CFAP299: variants seen among roughly 807,000 people sequenced by gnomAD.
CFAP299 encodes cilia and flagella associated protein 299.
CFAP299 carries 21 observed loss-of-function variants against 27.0 expected under a neutral mutation model. The ratio of observed to expected loss-of-function variants is 0.78; its 90% confidence interval spans 0.55 to 1.12. The LOEUF is 1.12. Ranked by LOEUF, CFAP299 falls within the 50% of genes most tolerant of loss-of-function variation. CFAP299 has a pLI of 0.00. For synonymous variants in CFAP299, 104 were observed against 98.1 expected (o/e 1.06, Z -0.36); for missense variants, 310 against 276.6 (o/e 1.12, Z -0.86).
At chr4:80,786,507 T>C (rs1727251275) in intron 3 of CFAP299, among the ~76,000 whole-genome samples, 1 of 152,146 alleles carries the variant, frequency 6.6e-6, no homozygotes, top group East Asian at 1.9e-4. Flanking sequence ...AGTCTAATTA[T>C]GGACTATAGT....
At position 80,344,412 on chromosome 4, in the gene CFAP299, T is replaced by C. The variant is rs189713840; in HGVS notation, c.111+8533T>C. Reference sequence around the variant, plus strand: ...AGAAAATCTAGAAGAAATGTATAAATTTCTGGACAAATACACCCTCCCAAG... The same window carrying C: ...AGAAAATCTAGAAGAAATGTATAAACTTCTGGACAAATACACCCTCCCAAG... On this transcript the variant is annotated intron_variant, in intron 1 of 5. Coordinates refer to ENST00000358105, the MANE Select transcript of CFAP299 (RefSeq NM_152770.3). Among the ~76,000 whole-genome samples, 987 of 152,154 alleles carry C rather than the reference T, an allele frequency of 6.5e-3. 12 individuals are homozygous for C. Among genetic ancestry groups the C allele is most frequent in the Non-Finnish European group, 6.1e-3 (414 of 68,018 alleles).
intron 5 of CFAP299, among the ~76,000 whole-genome samples, chr4:80,960,018 A>G (rs1474498356): frequency 6.6e-6 from 1 of 151,892 alleles, no homozygotes; most frequent in Non-Finnish European, 1.5e-5. Flanking sequence ...TTCCTTAAAT[A>G]ATCAGGGATG....
chr4:80,557,399 AC>A (rs886502194), intron 2 of CFAP299, among the ~76,000 whole-genome samples: 58 of 152,200 alleles, frequency 3.8e-4, no homozygotes, highest in African/African-American at 1.4e-3. Context: ...GGGGGTCAGT[AC>A]CTTTTTCAGA....
intron 3 of CFAP299, among the ~76,000 whole-genome samples, chr4:80,656,435 C>T (rs1326802183): frequency 6.6e-6 from 1 of 151,944 alleles, no homozygotes; most frequent in African/African-American, 2.4e-5. Flanking sequence ...TCCGTGGGTT[C>T]TCATTGTTCA....
chr4:80,448,083 T>C (rs534221324), intron 2 of CFAP299, among the ~76,000 whole-genome samples: 221 of 152,356 alleles, frequency 1.5e-3, no homozygotes, highest in Admixed American at 3.1e-3. Context: ...ACACTGTCAA[T>C]GCATTCTCTC....
At chr4:80,823,153 C>T (rs1308905766) in intron 3 of CFAP299, among the ~76,000 whole-genome samples, 1 of 152,102 alleles carries the variant, frequency 6.6e-6, no homozygotes, top group Admixed American at 6.6e-5. Flanking sequence ...TAAACACATG[C>T]CCTTGGTCTC....
At chr4:80,403,078 T>A (rs1726243824) in intron 2 of CFAP299, among the ~76,000 whole-genome samples, 1 of 152,222 alleles carries the variant, frequency 6.6e-6, no homozygotes, top group South Asian at 2.1e-4. Flanking sequence ...TGTATTTGGG[T>A]AGCTTTTCTC....
At chr4:80,410,119 G>A (rs1165592339) in intron 2 of CFAP299, among the ~76,000 whole-genome samples, 1 of 152,098 alleles carries the variant, frequency 6.6e-6, no homozygotes, top group Non-Finnish European at 1.5e-5. Flanking sequence ...GTTATTATAG[G>A]GAAGATGCAG....
intron 2 of CFAP299, among the ~76,000 whole-genome samples, chr4:80,508,752 C>G (rs1349550261): frequency 6.6e-6 from 1 of 152,046 alleles, no homozygotes; most frequent in Non-Finnish European, 1.5e-5. Context: ...GAGACCAGGT[C>G]CCACCATAAT....
At chr4:80,775,138 G>C (rs1000138027) in intron 3 of CFAP299, among the ~76,000 whole-genome samples, 1 of 150,716 alleles carries the variant, frequency 6.6e-6, no homozygotes, top group Non-Finnish European at 1.5e-5. Context: ...ATAGGGATAT[G>C]CTTATTGCAA....
chr4:80,807,088 A>G (rs1728901259), intron 3 of CFAP299, among the ~76,000 whole-genome samples: 1 of 152,146 alleles, frequency 6.6e-6, no homozygotes, highest in African/African-American at 2.4e-5. Flanking sequence ...TTTTCTTGAA[A>G]TCAAATTATC....
chr4:80,408,934 G>T (rs9990879), intron 2 of CFAP299, among the ~76,000 whole-genome samples: 9 of 151,192 alleles, frequency 6.0e-5, no homozygotes, highest in African/African-American at 2.2e-4. Context: ...TGAAAAATTA[G>T]CCAGGCATTG....
chr4:80,784,132 C>G (rs1337664106), intron 3 of CFAP299, among the ~76,000 whole-genome samples: 1 of 151,976 alleles, frequency 6.6e-6, no homozygotes, highest in Non-Finnish European at 1.5e-5. Flanking sequence ...GTTTCTGTAT[C>G]TTCATTATTG....
chr4:80,485,457 G>A (rs1730766620), intron 2 of CFAP299, among the ~76,000 whole-genome samples: 1 of 151,774 alleles, frequency 6.6e-6, no homozygotes. Context: ...ATACATGTGT[G>A]GACTTTGTTA....
chr4:80,445,981 C>G (rs373962377), intron 2 of CFAP299, among the ~76,000 whole-genome samples: 1 of 152,102 alleles, frequency 6.6e-6, no homozygotes, highest in Non-Finnish European at 1.5e-5. Context: ...TCTTTCACTC[C>G]GCCTGAAAGT....
chr4:80,867,314 T>C (rs1207536919), intron 3 of CFAP299, among the ~76,000 whole-genome samples: 1 of 152,242 alleles, frequency 6.6e-6, no homozygotes, highest in Non-Finnish European at 1.5e-5. Flanking sequence ...CCCGTATGTA[T>C]GTTTTTTGAT....
upstream of CFAP299, among the ~76,000 whole-genome samples, chr4:80,332,538 G>A (rs1427152130): frequency 6.6e-5 from 10 of 152,128 alleles, no homozygotes; most frequent in Non-Finnish European, 5.9e-5. Context: ...GAAGTAAAAC[G>A]TTGATATGAA....
At chr4:80,498,338 A>G (rs986495247) in intron 2 of CFAP299, among the ~76,000 whole-genome samples, 1 of 152,174 alleles carries the variant, frequency 6.6e-6, no homozygotes, top group Admixed American at 6.5e-5. Flanking sequence ...AAATATCTGT[A>G]AACTAGCATT....
chr4:80,624,535 AT>A (rs921225242), intron 3 of CFAP299, among the ~76,000 whole-genome samples: 12 of 152,036 alleles, frequency 7.9e-5, no homozygotes, highest in African/African-American at 2.9e-4. Context: ...AGGGAATACA[AT>A]TAAAAAAAGA....
Sources: allele counts gnomAD v4.1 joint callset (sites outside exome capture counted in the v4.1 genomes callset), GRCh38; gene constraint gnomAD v4.1.1; transcripts MANE v1.5; gene names NCBI Gene and HGNC (gene_info 2026-07-23, HGNC 2026-07-21).